PHF14: variants seen among roughly 807,000 people sequenced by gnomAD.
The protein encoded by PHF14 is PHD finger protein 14.
Under a neutral mutation model 117.9 loss-of-function variants are expected in PHF14, and 55 were observed. The ratio of observed to expected loss-of-function variants is 0.47; its 90% confidence interval spans 0.38 to 0.58. The LOEUF (loss-of-function observed/expected upper bound fraction) is 0.58, where lower values mean the gene tolerates loss of function less well. PHF14 is among the 20% of genes least tolerant of loss of function. The probability of loss-of-function intolerance (pLI) is 0.00; values close to 1 mark genes in which losing one functional copy is unlikely to be tolerated. For synonymous variants in PHF14, 409 were observed against 368.6 expected (o/e 1.11, Z -1.26); for missense variants, 978 against 1,122.2 (o/e 0.87, Z 1.84).
At chr7:11,006,901 G>C (rs979375487) in intron 4 of PHF14, 3 of 512,642 alleles carry the variant, frequency 5.9e-6, no homozygotes, top group Non-Finnish European at 1.1e-5. Context: ...TTGTCCTGGC[G>C]CGGTGGCTCA....
rs1787442059 is a variant in PHF14 at position 11,111,411 on chromosome 7, C to T, written c.2716C>T (p.Pro906Ser). The change falls in exon 17 of 18, where the codon CCT (proline) becomes TCT (serine). Residue 906 changes from proline (P) to serine (S), a missense_variant. Pro to Ser is a moderately conservative substitution (Grantham distance 74). Transcript: ENST00000634607. ...TTTGGATCCTCCTTTGAAAAAGTCT[C>T]CTAAACAGACAGGCTACGGATGGAT... ...GCLDPPLKKS[P>S]KQTGYGWICQ... The T allele has an allele frequency of 6.2e-7, 1 of 1,608,992 alleles. No homozygotes were observed. The highest frequency in any genetic ancestry group is 8.5e-7 in the Non-Finnish European group (1 of 1,176,982).
At chr7:11,016,736 A>C (rs959703199) in intron 5 of PHF14, among the ~76,000 whole-genome samples, 1 of 152,182 alleles carries the variant, frequency 6.6e-6, no homozygotes, top group African/African-American at 2.4e-5. Flanking sequence ...CTTTTGAGTT[A>C]CAAACAATCC....
chr7:11,010,406 C>T (rs1783306785), intron 4 of PHF14, among the ~76,000 whole-genome samples: 1 of 151,736 alleles, frequency 6.6e-6, no homozygotes, highest in African/African-American at 2.4e-5. Flanking sequence ...AGTTTTGATT[C>T]CTTTGCTTAT....
chr7:11,001,667 A>G (rs920885328), intron 4 of PHF14, among the ~76,000 whole-genome samples: 1 of 151,880 alleles, frequency 6.6e-6, no homozygotes, highest in Non-Finnish European at 1.5e-5. Context: ...TTTCAATTCT[A>G]CTTGTTCATT....
chr7:11,098,804 A>G (rs1307946790), intron 16 of PHF14, among the ~76,000 whole-genome samples: 2 of 152,208 alleles, frequency 1.3e-5, no homozygotes, highest in African/African-American at 4.8e-5. Context: ...TCTTGTTCAT[A>G]AAAGTTACTT....
chr7:11,103,147 T>C (rs1023994110), intron 16 of PHF14: 2 of 978,394 alleles, frequency 2.0e-6, no homozygotes, highest in Non-Finnish European at 2.4e-6. Context: ...TTGTGAAGCA[T>C]ATGACATTCT....
At chr7:11,128,886 A>G (rs2128348144) in intron 17 of PHF14, among the ~76,000 whole-genome samples, 1 of 151,992 alleles carries the variant, frequency 6.6e-6, no homozygotes. Context: ...TAGTTGCCCT[A>G]CAATCCTTAG....
rs571927706 is a variant in PHF14, at chr7:11,028,897, T to C, written c.1455+79T>C. 3 of 1,185,332 alleles carry C rather than the reference T, an allele frequency of 2.5e-6. No homozygotes were observed. The East Asian group carries it at 7.7e-5, about 30-fold the overall frequency. The allele number at this position is 1,185,332 out of a possible 1,614,324, so 73.4% of individuals were successfully genotyped here. ...CTCTATGTCCTATAATAAGTGTAAA[T>C]AATAAAAGAAATTTTAACATTTATT... On this transcript the variant is annotated intron_variant, in intron 7 of 17. Coordinates refer to ENST00000634607, the MANE Select transcript of PHF14 (RefSeq NM_001007157.2).
rs542610734 is a variant in PHF14, at chr7:11,091,747, G to T, written c.2655-19603G>T. The stretch of plus-strand genomic sequence containing the variant: ...CACTCCAGCCTGGGTGACGGAGCGA[G>T]ACCCTTTCTCAAAAATAAAATAAAA... On this transcript the variant is annotated intron_variant, in intron 16 of 17. Transcript: ENST00000634607. Among the ~76,000 whole-genome samples the T allele has an allele frequency of 2.0e-5, 3 of 152,184 alleles. No homozygotes were observed. The East Asian group carries it at 5.8e-4, about 29-fold the overall frequency.
intron 14 of PHF14, among the ~76,000 whole-genome samples, chr7:11,054,505 C>T (rs1439499310): frequency 6.6e-6 from 1 of 151,990 alleles, no homozygotes; most frequent in Admixed American, 6.6e-5. Flanking sequence ...AGTGATCAGT[C>T]ATTTTGGTCT....
Position 11,040,652 on chromosome 7 carries a change from A to G in PHF14, c.2077-20A>G, listed in dbSNP as rs141768445. ...TTTCTTTCTTAAAACAATATATACT[A>G]CATTTGTTCAAATCAATAGAAGTTG... On this transcript the variant is annotated intron_variant, in intron 11 of 17. Coordinates refer to ENST00000634607, the MANE Select transcript of PHF14 (RefSeq NM_001007157.2). 1.5e-6 allele frequency: 2 copies of G among 1,318,212 alleles called. No homozygotes were observed. The highest frequency in any genetic ancestry group is 3.0e-5 in the African/African-American group (2 of 67,050). The allele number at this position is 1,318,212 out of a possible 1,614,324, so 81.7% of individuals were successfully genotyped here.
intron 4 of PHF14, among the ~76,000 whole-genome samples, chr7:11,012,423 G>A (rs749050110): frequency 1.3e-5 from 2 of 152,178 alleles, no homozygotes; most frequent in African/African-American, 4.8e-5. Flanking sequence ...CTTTGTTTAT[G>A]TGAGTTTTGT....
chr7:11,144,761 G>A (rs1788499591), intron 17 of PHF14, among the ~76,000 whole-genome samples: 1 of 151,612 alleles, frequency 6.6e-6, no homozygotes, highest in Non-Finnish European at 1.5e-5. Context: ...TGGTGATGTG[G>A]GGGGAAGAAA....
intron 17 of PHF14, among the ~76,000 whole-genome samples, chr7:11,161,277 T>C (rs1235239917): frequency 6.6e-6 from 1 of 152,156 alleles, no homozygotes; most frequent in African/African-American, 2.4e-5. Flanking sequence ...TTTGATACAA[T>C]GAGTCGAGTG....
chr7:11,025,403 C>T (rs1297302400), intron 6 of PHF14, among the ~76,000 whole-genome samples: 1 of 152,158 alleles, frequency 6.6e-6, no homozygotes, highest in Non-Finnish European at 1.5e-5. Flanking sequence ...GGAAGTTCTA[C>T]CATGGGTAAA....
intron 7 of PHF14, among the ~76,000 whole-genome samples, chr7:11,031,590 C>CAA (rs34770071): frequency 0.086 from 10,912 of 126,778 alleles, 628 homozygotes; most frequent in Non-Finnish European, 0.13. Flanking sequence ...CCATCTCTAC[C>CAA]AAAAAAAAAA....
chr7:10,983,998 C>A (rs570702752), intron 3 of PHF14, among the ~76,000 whole-genome samples: 2 of 152,260 alleles, frequency 1.3e-5, no homozygotes, highest in East Asian at 3.9e-4. Flanking sequence ...TGTTGTCTTA[C>A]ATGTAGATGT....
chr7:11,107,062 A>G, intron 16 of PHF14: 1 of 983,816 alleles, frequency 1.0e-6, no homozygotes, highest in Admixed American at 6.2e-5. Flanking sequence ...AGGTGCACTT[A>G]ATTGTTTCAG....
chr7:11,150,402 A>G (rs1314689769), intron 17 of PHF14, among the ~76,000 whole-genome samples: 2 of 152,146 alleles, frequency 1.3e-5, no homozygotes, highest in African/African-American at 4.8e-5. Context: ...TTGCCTTTCA[A>G]GTGTATAATT....
Sources: allele counts gnomAD v4.1 joint callset (sites outside exome capture counted in the v4.1 genomes callset), GRCh38; gene constraint gnomAD v4.1.1; transcripts MANE v1.5; gene names NCBI Gene and HGNC (gene_info 2026-07-23, HGNC 2026-07-21).